Variants in TNRC6A observed in about 807,000 individuals in gnomAD.
TNRC6A encodes the protein trinucleotide repeat containing adaptor 6A.
Under a neutral mutation model 221.2 loss-of-function variants are expected in TNRC6A, and 44 were observed. The observed-to-expected ratio is 0.20, with a 90% CI of 0.16 to 0.26. The LOEUF is 0.26. Ranked by LOEUF, TNRC6A falls within the 10% of genes least tolerant of loss-of-function variation. The pLI is 1.00. For synonymous variants in TNRC6A, 847 were observed against 838.5 expected (o/e 1.01, Z -0.18); for missense variants, 2,199 against 2,404.4 (o/e 0.91, Z 1.79).
intron 2 of TNRC6A, among the ~76,000 whole-genome samples, chr16:24,709,790 G>A (rs1377233695): frequency 2.1e-5 from 3 of 142,188 alleles, no homozygotes; most frequent in Non-Finnish European, 4.5e-5. Context: ...ACACTATTGC[G>A]TGCCAGCCTG....
chr16:24,796,459 T>C (rs2058221314), intron 9 of TNRC6A: 2 of 152,494 alleles, frequency 1.3e-5, no homozygotes, highest in African/African-American at 4.8e-5. Flanking sequence ...AGCATCTGCG[T>C]TAATTCAAGC....
At chr16:24,808,455 T>C (rs2058478423) in intron 17 of TNRC6A, among the ~76,000 whole-genome samples, 1 of 152,236 alleles carries the variant, frequency 6.6e-6, no homozygotes, top group Non-Finnish European at 1.5e-5. Context: ...TGTGGCTGCT[T>C]TCGTGCTGCA....
chr16:24,675,726 A>C (rs1400835295), intron 2 of TNRC6A, among the ~76,000 whole-genome samples: 140 of 135,730 alleles, frequency 1.0e-3, no homozygotes, highest in African/African-American at 3.5e-3. Flanking sequence ...ATATATATAT[A>C]TATATATATA....
rs563849735 is a variant in TNRC6A at position 24,799,425 on chromosome 16, T to G, written c.3694+1459T>G. ...ATTTCTGCTTAACAAGATACAGCTT[T>G]CTTTCTTGCAAGTGAAGAAGTGTTC... On this transcript the variant is annotated intron_variant, in intron 11 of 24. Transcript: ENST00000395799. 7.2e-5 allele frequency among the ~76,000 whole-genome samples: 11 copies of G among 152,300 alleles called. No individual in the cohort carries two copies. In the South Asian group the frequency reaches 8.3e-4, roughly 11 times the overall value.
intron 3 of TNRC6A, among the ~76,000 whole-genome samples, chr16:24,753,678 G>T (rs1315870550): frequency 6.6e-6 from 1 of 152,198 alleles, no homozygotes; most frequent in Non-Finnish European, 1.5e-5. Flanking sequence ...TCGCTAGTAG[G>T]AGCCAGCAGG....
chr16:24,648,771 C>T (rs1033890829), intron 2 of TNRC6A, among the ~76,000 whole-genome samples: 3 of 152,108 alleles, frequency 2.0e-5, no homozygotes, highest in Non-Finnish European at 4.4e-5. Context: ...TCATGTGCTT[C>T]GTTAGTTCTT....
intron 2 of TNRC6A, among the ~76,000 whole-genome samples, chr16:24,697,325 GTC>G (rs1266438624): frequency 1.3e-5 from 2 of 152,130 alleles, no homozygotes. Flanking sequence ...TGTCTCTTGT[GTC>G]TCTCTTCACT....
At chr16:24,688,952 G>C (rs2055695890) in intron 2 of TNRC6A, among the ~76,000 whole-genome samples, 1 of 152,180 alleles carries the variant, frequency 6.6e-6, no homozygotes, top group African/African-American at 2.4e-5. Flanking sequence ...CTGTAACCCA[G>C]CATTTTGGGA....
rs1482946590 is a variant in TNRC6A at position 24,804,621 on chromosome 16, A to T, written c.3838-84A>T. 5 of 1,506,828 alleles carry T rather than the reference A, an allele frequency of 3.3e-6. No homozygotes were observed. The African/African-American group carries it at 5.6e-5, about 17-fold the overall frequency. The allele number at this position is 1,506,828 out of a possible 1,614,324, so 93.3% of individuals were successfully genotyped here. On this transcript the variant is annotated intron_variant, in intron 12 of 24. Transcript: ENST00000395799. ...CCTGTTGATGCTGGAATGTCATGTG[A>T]CTTCTCTTCTGTTCCTGCAATGATT...
chr16:24,758,187 T>C (rs11644976), intron 3 of TNRC6A, 152 bp from the exon 4 acceptor site: 15,218 of 702,540 alleles, frequency 0.022, 217 homozygotes, highest in Non-Finnish European at 0.029. Flanking sequence ...TTTCCTTGCA[T>C]ATCTTTTCCT....
rs756657756 is a variant in TNRC6A at position 24,789,281 on chromosome 16, A to G, written c.639A>G (p.Gly213=). The G allele has an allele frequency of 8.7e-6, 14 of 1,612,756 alleles. No individual in the cohort carries two copies. In the African/African-American group the frequency reaches 1.7e-4, roughly 20 times the overall value. Residue 213 remains glycine, a synonymous_variant, in exon 6 of 25, where the codon GGA becomes GGG. Coordinates refer to ENST00000395799, the MANE Select transcript of TNRC6A (RefSeq NM_014494.4). ...SGSHYENSQR[G]PVSSTSDSST... ...CCCATTATGAAAATTCCCAGCGGGG[A>G]CCTGTGTCTTCTACAAGTGATTCTA...
intron 2 of TNRC6A, among the ~76,000 whole-genome samples, chr16:24,691,145 A>C (rs2055748528): frequency 6.6e-6 from 1 of 152,002 alleles, no homozygotes; most frequent in Non-Finnish European, 1.5e-5. Context: ...CCATGGGAAG[A>C]AATATAAGGT....
intron 1 of TNRC6A, 107 bp from the exon 2 acceptor site, chr16:24,730,146 C>G (rs1363581533): frequency 4.4e-6 from 5 of 1,128,638 alleles, no homozygotes; most frequent in Non-Finnish European, 4.9e-6. Flanking sequence ...TCCCCTCCCC[C>G]ATCCGGCCCC....
rs754451206 is a variant in TNRC6A, at chr16:24,797,887, G to A, written c.3643-28G>A. 57 of 1,591,018 alleles carry A rather than the reference G, an allele frequency of 3.6e-5. No homozygotes were observed. The Admixed American group carries it at 9.5e-4, about 26-fold the overall frequency. On this transcript the variant is annotated intron_variant, in intron 10 of 24. Transcript: ENST00000395799. ...TGTTTTCATTGATAAATTAAGGTCT[G>A]CTAACATGCTGCATTTTCTTTCTTC...
Position 24,823,060 on chromosome 16 carries a change from G to T in TNRC6A, c.5513+47G>T, listed in dbSNP as rs1459972982. 1 of 1,613,034 alleles carries T rather than the reference G, an allele frequency of 6.2e-7. No individual in the cohort carries two copies. Among genetic ancestry groups the T allele is most frequent in the African/African-American group, 1.3e-5 (1 of 74,940 alleles). Reference sequence around the variant, plus strand: ...CAGTTGGAAGAGTCTAGGGGAAGGAGTGTGAGAGCACAGCCTGACCCGGGG... The same window carrying T: ...CAGTTGGAAGAGTCTAGGGGAAGGATTGTGAGAGCACAGCCTGACCCGGGG... On this transcript the variant is annotated intron_variant, in intron 24 of 24. Transcript: ENST00000395799. This position sits in a 1 kb window ranked among gnomAD's most constrained non-coding sequence, Gnocchi z 4.3.
chr16:24,755,456 A>G (rs2057230637), intron 3 of TNRC6A, among the ~76,000 whole-genome samples: 1 of 152,208 alleles, frequency 6.6e-6, no homozygotes, highest in African/African-American at 2.4e-5. Flanking sequence ...TGCTTTCTAT[A>G]TGTCAGGCTT....
chr16:24,668,231 G>A (rs1048201042), intron 2 of TNRC6A, among the ~76,000 whole-genome samples: 3 of 151,936 alleles, frequency 2.0e-5, no homozygotes, highest in African/African-American at 7.3e-5. Flanking sequence ...GAGAGGCTGA[G>A]GCAGGAGAAT....
At chr16:24,653,696 C>T (rs1297888768) in intron 2 of TNRC6A, among the ~76,000 whole-genome samples, 1 of 151,608 alleles carries the variant, frequency 6.6e-6, no homozygotes, top group East Asian at 1.9e-4. Context: ...ACGAGAATCA[C>T]TGGATCCCAG....
intron 2 of TNRC6A, among the ~76,000 whole-genome samples, chr16:24,737,273 C>T (rs928119068): frequency 6.6e-6 from 1 of 152,098 alleles, no homozygotes; most frequent in South Asian, 2.1e-4. Flanking sequence ...AGGAGGTTGT[C>T]AGAGGAGCTG....
Sources: gnomAD v4.1 joint callset for allele counts (sites outside exome capture counted in the v4.1 genomes callset) on GRCh38, gnomAD v4.1.1 for gene constraint, Gnocchi (gnomAD v3.1) non-coding constraint, MANE v1.5 for transcripts, NCBI Gene and HGNC (gene_info 2026-07-23, HGNC 2026-07-21) for gene names.